The following MADCAM1 variants were observed in gnomAD, a reference collection of about 807,000 sequenced individuals.
MADCAM1 encodes mucosal addressin cell adhesion molecule 1.
A neutral mutation model predicts 26.1 loss-of-function variants in MADCAM1; 19 were observed. The ratio of observed to expected loss-of-function variants is 0.73; its 90% CI spans 0.51 to 1.07. The LOEUF (loss-of-function observed/expected upper bound fraction) is 1.07, where lower values mean the gene tolerates loss of function less well. Among genes scored for constraint, MADCAM1 ranks in the 50% least tolerant of loss-of-function variants. The pLI is 0.00. For missense variants in MADCAM1, 514 were observed against 542.1 expected (o/e 0.95, Z 0.51); for synonymous variants, 268 against 260.9 (o/e 1.03, Z -0.26).
At chr19:503,386 C>G (rs569282458) in intron 4 of MADCAM1, among the ~76,000 whole-genome samples, 1 of 150,182 alleles carries the variant, frequency 6.7e-6, no homozygotes, top group East Asian at 2.0e-4. Flanking sequence ...TCGAGACCAT[C>G]CTGGCTAACA....
At chr19:499,369 C>T in intron 3 of MADCAM1, 1 of 456,580 alleles carries the variant, frequency 2.2e-6, no homozygotes. Context: ...AGGGTCAACC[C>T]CTGATCCCCA....
intron 4 of MADCAM1, among the ~76,000 whole-genome samples, chr19:503,371 G>A (rs1600391692): frequency 6.6e-6 from 1 of 150,710 alleles, no homozygotes; most frequent in Non-Finnish European, 1.5e-5. Flanking sequence ...CACGAGGTCA[G>A]GAGATCGAGA....
At position 501,650 on chromosome 19, in the gene MADCAM1, A is replaced by C. The variant is rs761902884; in HGVS notation, c.668-19A>C. 4.4e-5 allele frequency: 68 copies of C among 1,557,942 alleles called. No homozygotes were observed. Among genetic ancestry groups the C allele is most frequent in the Non-Finnish European group, 9.5e-6 (11 of 1,156,874 alleles). On this transcript the variant is annotated intron_variant, in intron 3 of 4. Coordinates refer to ENST00000215637, the MANE Select transcript of MADCAM1 (RefSeq NM_130760.3). ...CTGGGGCAGCAGAGAGGAAAAAAAA[A>C]CCCTCACTCTGTTTCCAGTCCTGCA...
intron 4 of MADCAM1, among the ~76,000 whole-genome samples, chr19:503,083 G>A (rs1978417873): frequency 6.6e-6 from 1 of 152,258 alleles, no homozygotes; most frequent in Non-Finnish European, 1.5e-5. Flanking sequence ...AGGCTTTAGA[G>A]TAAGAAGCTA....
chr19:497,678 C>G, intron 1 of MADCAM1, 155 bp from the exon 2 acceptor site: 3 of 512,204 alleles, frequency 5.9e-6, no homozygotes, highest in Non-Finnish European at 8.4e-6. Flanking sequence ...CCTGGGAGTC[C>G]GGGTAGCGGC....
rs1978551597 is a variant in MADCAM1 at position 505,079 on chromosome 19, G to A, written c.*114G>A. 1 of 731,756 alleles carries A rather than the reference G, an allele frequency of 1.4e-6. No homozygotes were observed. The allele number at this position is 731,756 out of a possible 1,614,324, so 45.3% of individuals were successfully genotyped here. On this transcript the variant is annotated 3_prime_UTR_variant, in exon 5 of 5. Transcript: ENST00000215637. ...TCAAAGTCATCCCTCTGTTCACAGAGATGGATGCATGTTCTGATTGCCTCT... is the reference window on the plus strand; with the variant it reads ...TCAAAGTCATCCCTCTGTTCACAGAAATGGATGCATGTTCTGATTGCCTCT...
At chr19:498,437 C>G in intron 2 of MADCAM1, 59 bp from the exon 3 acceptor site, 1 of 1,414,620 alleles carries the variant, frequency 7.1e-7, no homozygotes, top group Non-Finnish European at 9.2e-7. Context: ...GCTCCGGCCC[C>G]TCCATCACGT....
In MADCAM1 at chr19:504,816, C is replaced by G. The variant is rs766563350; in HGVS notation, c.1000C>G (p.Leu334Val). 5 of 1,613,092 alleles carry G rather than the reference C, an allele frequency of 3.1e-6. No individual in the cohort carries two copies. The highest frequency in any genetic ancestry group is 3.4e-6 in the Non-Finnish European group (4 of 1,179,998). ...TSSAVLGLLL[L>V]ALPTYHLWKR... ...CAGTGCGGTGCTGGGACTGCTGCTC[C>G]TGGCCTTGCCCACCTATCACCTCTG... Residue 334 changes from leucine (L) to valine (V), a missense_variant, in exon 5 of 5, where the codon CTG (leucine) becomes GTG (valine). Leu to Val is a conservative substitution (Grantham distance 32). Around this residue, in one of 3 missense-constraint regions of MADCAM1, gnomAD observed 152 missense variants for 136.7 expected, o/e 1.11. Coordinates refer to ENST00000215637, the MANE Select transcript of MADCAM1 (RefSeq NM_130760.3).
rs888743658 is a variant in MADCAM1 at position 505,302 on chromosome 19, G to A, written c.*337G>A. On this transcript the variant is annotated 3_prime_UTR_variant, in exon 5 of 5. Coordinates refer to ENST00000215637, the MANE Select transcript of MADCAM1 (RefSeq NM_130760.3). ...TGACCACCCTGGGCCCCTGTCGTCA[G>A]GACCTCCTGAGGCTTTGGCAAATAA... 3 of 262,638 alleles carry A rather than the reference G, an allele frequency of 1.1e-5. No homozygotes were observed. The highest frequency in any genetic ancestry group is 6.6e-5 in the African/African-American group (3 of 45,438). 16.3% of individuals were successfully genotyped at this position (262,638 alleles called of 1,614,324 possible).
intron 4 of MADCAM1, among the ~76,000 whole-genome samples, chr19:502,349 T>C (rs1200266080): frequency 2.0e-5 from 3 of 152,052 alleles, no homozygotes; most frequent in Non-Finnish European, 2.9e-5. Context: ...TCCCCCAGGC[T>C]GGAGTGCAGT....
intron 4 of MADCAM1, among the ~76,000 whole-genome samples, chr19:504,055 GA>G (rs764646238): frequency 0.02 from 2,400 of 122,654 alleles, 74 homozygotes; most frequent in South Asian, 0.14. Context: ...ATTCCATTTC[GA>G]AAAAAAAAAA....
At chr19:501,641 G>GAA in intron 3 of MADCAM1, 28 bp from the exon 4 acceptor site, 1 of 1,500,786 alleles carries the variant, frequency 6.7e-7, no homozygotes, top group Non-Finnish European at 8.8e-7. Context: ...CAGCAGAGAG[G>GAA]AAAAAAAAAC....
intron 3 of MADCAM1, chr19:499,877 T>A: frequency 2.2e-6 from 1 of 456,260 alleles, no homozygotes; most frequent in Non-Finnish European, 4.4e-6. Flanking sequence ...AAAAAGGGAT[T>A]TGTCCTCCCA....
rs1978360131 is a variant in MADCAM1, at chr19:501,838, A to C, written c.837A>C (p.Thr279=). 1.3e-6 allele frequency: 2 copies of C among 1,553,716 alleles called. No homozygotes were observed. Among genetic ancestry groups the C allele is most frequent in the Non-Finnish European group, 1.7e-6 (2 of 1,149,674 alleles). Residue 279 remains threonine, a synonymous_variant, in exon 4 of 5, where the codon ACA becomes ACC. Coordinates refer to ENST00000215637, the MANE Select transcript of MADCAM1 (RefSeq NM_130760.3). ...SPEPAPQQGS[T]HTPRSPGSTR... ...AGCCCGCCCCCCAGCAGGGCTCCACACACACCCCCAGGAGCCCAGGCTCCA... is the reference window on the plus strand; with the variant it reads ...AGCCCGCCCCCCAGCAGGGCTCCACCCACACCCCCAGGAGCCCAGGCTCCA...
intron 3 of MADCAM1, chr19:499,823 G>A (rs575240419): frequency 5.7e-5 from 26 of 456,416 alleles, no homozygotes; most frequent in East Asian, 7.0e-5. Context: ...CTCCCTTCAC[G>A]CTCTGTCCAA....
chr19:501,981 G>C lies in MADCAM1; in HGVS notation c.928+52G>C, dbSNP rs1978370719. On this transcript the variant is annotated intron_variant, in intron 4 of 4. Transcript: ENST00000215637. ...AGGGTGGGAAGGGCTGAGAGCGAGA[G>C]GTTCCTTGGATGAAGACTTTAGACA... 3 of 1,433,132 alleles carry C rather than the reference G, an allele frequency of 2.1e-6. No homozygotes were observed. In the African/African-American group the frequency reaches 4.3e-5, roughly 21 times the overall value. The allele number at this position is 1,433,132 out of a possible 1,614,324, so 88.8% of individuals were successfully genotyped here.
In MADCAM1 at chr19:498,720, C is replaced by A. The variant is rs1054710330; in HGVS notation, c.562C>A (p.Arg188Ser). ...DEDVLFRVTE[R>S]WRLPPLGTPV... ...GGACGTGCTGTTCAGGGTGACAGAG[C>A]GCTGGCGGCTGCCGCCCCTGGGGAC... The change falls in exon 3 of 5, where the codon CGC (arginine) becomes AGC (serine). Residue 188 changes from arginine to serine, a missense_variant. Physicochemically the swap from Arg to Ser is moderately radical, Grantham distance 110 (BLOSUM62 -1). Coordinates refer to ENST00000215637, the MANE Select transcript of MADCAM1 (RefSeq NM_130760.3). 5 of 1,457,462 alleles carry A rather than the reference C, an allele frequency of 3.4e-6. No homozygotes were observed. Among genetic ancestry groups the A allele is most frequent in the African/African-American group, 1.4e-5 (1 of 69,838 alleles). The allele number at this position is 1,457,462 out of a possible 1,614,324, so 90.3% of individuals were successfully genotyped here.
chr19:505,078 A>T lies in MADCAM1; in HGVS notation c.*113A>T. On this transcript the variant is annotated 3_prime_UTR_variant, in exon 5 of 5. Transcript: ENST00000215637. ...CTCAAAGTCATCCCTCTGTTCACAG[A>T]GATGGATGCATGTTCTGATTGCCTC... 1.4e-6 allele frequency: 1 copy of T among 731,722 alleles called. No individual in the cohort carries two copies. Among genetic ancestry groups the T allele is most frequent in the Non-Finnish European group, 2.2e-6 (1 of 463,678 alleles). 45.3% of individuals were successfully genotyped at this position (731,722 alleles called of 1,614,324 possible). A position where few individuals can be genotyped will look rare whatever the true frequency, so the allele number is the denominator to read the frequency against.
At chr19:503,284 C>A (rs1978427189) in intron 4 of MADCAM1, among the ~76,000 whole-genome samples, 1 of 129,782 alleles carries the variant, frequency 7.7e-6, no homozygotes, top group Admixed American at 8.5e-5. Context: ...GAGACTCCAT[C>A]TCAAAAAAAA....
Sources: gnomAD v4.1 joint callset for allele counts (sites outside exome capture counted in the v4.1 genomes callset) on GRCh38, gnomAD v4.1.1 for gene constraint, gnomAD v4.1.1 regional missense constraint, MANE v1.5 for transcripts, NCBI Gene and HGNC (gene_info 2026-07-23, HGNC 2026-07-21) for gene names.